Variants in PTPN13 observed in about 807,000 individuals in gnomAD.
PTPN13 encodes tyrosine-protein phosphatase non-receptor type 13.
A neutral mutation model predicts 284.0 loss-of-function variants in PTPN13; 191 were observed. The ratio of observed to expected loss-of-function variants is 0.67; its 90% CI spans 0.60 to 0.76. PTPN13 has a LOEUF of 0.76. PTPN13 is among the 30% of genes least tolerant of loss of function. PTPN13 has a pLI of 0.00. For missense variants in PTPN13, 2,797 were observed against 2,939.9 expected, an observed-to-expected ratio of 0.95 and a Z score of 1.12; for synonymous variants, 986 against 1,022.3, an observed-to-expected ratio of 0.96 and a Z score of 0.68.
intron 3 of PTPN13, among the ~76,000 whole-genome samples, chr4:86,674,476 G>A (rs1728060934): frequency 6.6e-6 from 1 of 152,154 alleles, no homozygotes; most frequent in Non-Finnish European, 1.5e-5. Context: ...GTGTATGAGT[G>A]TGTGTGTGGT....
chr4:86,609,889 C>CATTGGTGTGCAAAGAAGCTAG (rs1347014937), intron 1 of PTPN13, among the ~76,000 whole-genome samples: 1 of 152,120 alleles, frequency 6.6e-6, no homozygotes, highest in African/African-American at 2.4e-5. Context: ...TCTTATAGAG[C>CATTGGTGTGCAAAGAAGCTAG]ATTGGTGTGC....
rs978178374 is a variant in PTPN13 at position 86,686,557 on chromosome 4, C to G, written c.295-153C>G. Among the ~76,000 whole-genome samples, 3 of 152,132 alleles carry G rather than the reference C, an allele frequency of 2.0e-5. 1 individual carries two copies. Among genetic ancestry groups the G allele is most frequent in the Non-Finnish European group, 1.5e-5 (1 of 68,018 alleles). ...TTCCAGTCTTGCTATCTCTTTTAAG[C>G]TCTCATATACTTTTATGGAAAATAT... On this transcript the variant is annotated intron_variant, in intron 3 of 47. Transcript: ENST00000411767.
At chr4:86,617,391 A>C (rs1720678313) in intron 1 of PTPN13, among the ~76,000 whole-genome samples, 1 of 152,126 alleles carries the variant, frequency 6.6e-6, no homozygotes, top group African/African-American at 2.4e-5. Flanking sequence ...GAATTGAAAC[A>C]GTACTTGGAA....
At chr4:86,751,947 A>ATGTG (rs1737438078) in intron 19 of PTPN13, among the ~76,000 whole-genome samples, 1 of 146,660 alleles carries the variant, frequency 6.8e-6, no homozygotes. Context: ...GTGTGTGTGC[A>ATGTG]TGCACATGTG....
At chr4:86,705,179 C>CA (rs1257805814) in intron 7 of PTPN13, among the ~76,000 whole-genome samples, 5 of 151,772 alleles carry the variant, frequency 3.3e-5, no homozygotes, top group South Asian at 2.1e-4. Flanking sequence ...ACTAAAAATA[C>CA]AAAAATTAGC....
In PTPN13 at chr4:86,807,490, T is replaced by C. The variant is rs1009969129; in HGVS notation, c.6746-70T>C. On this transcript the variant is annotated intron_variant, in intron 44 of 47. Coordinates refer to ENST00000411767, the MANE Select transcript of PTPN13 (RefSeq NM_080683.3). Reference sequence around the variant, plus strand: ...AGAATTTCTCATGATCTTTGACTCATGCAATTTGTAAGACTCTTGTTTAAA... The same window carrying C: ...AGAATTTCTCATGATCTTTGACTCACGCAATTTGTAAGACTCTTGTTTAAA... The C allele has an allele frequency of 9.4e-6, 11 of 1,165,326 alleles. No individual in the cohort carries two copies. The East Asian group carries it at 1.4e-4, about 15-fold the overall frequency. 72.2% of individuals were successfully genotyped at this position (1,165,326 alleles called of 1,614,324 possible). A position where few individuals can be genotyped will look rare whatever the true frequency, so the allele number is the denominator to read the frequency against.
chr4:86,785,721 A>G lies in PTPN13; in HGVS notation c.6257-127A>G, dbSNP rs535891236. ...TTGATCATTTCTTCCTAACTTTTCT[A>G]GTTAAAACATTGAAACTATTTATGG... On this transcript the variant is annotated intron_variant, in intron 39 of 47. Coordinates refer to ENST00000411767, the MANE Select transcript of PTPN13 (RefSeq NM_080683.3). 4.9e-5 allele frequency: 25 copies of G among 507,760 alleles called. No homozygotes were observed. The South Asian group carries it at 1.1e-3, about 21-fold the overall frequency. The allele number at this position is 507,760 out of a possible 1,614,324, so 31.5% of individuals were successfully genotyped here. A position where few individuals can be genotyped will look rare whatever the true frequency, so the allele number is the denominator to read the frequency against.
In PTPN13 at chr4:86,738,610, A is replaced by C. The variant is rs191620289; in HGVS notation, c.2304+2864A>C. Reference sequence around the variant, plus strand: ...CATGTTCTTTAAATATTCTGGATACAAGTCTTTTATCAGATATGTGGGTTT... The same window carrying C: ...CATGTTCTTTAAATATTCTGGATACCAGTCTTTTATCAGATATGTGGGTTT... On this transcript the variant is annotated intron_variant, in intron 15 of 47. Transcript: ENST00000411767. 2.0e-5 allele frequency among the ~76,000 whole-genome samples: 3 copies of C among 152,260 alleles called. No individual in the cohort carries two copies. In the East Asian group the frequency reaches 5.8e-4, roughly 29 times the overall value.
intron 3 of PTPN13, among the ~76,000 whole-genome samples, chr4:86,681,122 T>C (rs1394466351): frequency 6.6e-6 from 1 of 152,230 alleles, no homozygotes; most frequent in Non-Finnish European, 1.5e-5. Flanking sequence ...ACATAGTCTG[T>C]GTTCCAAGTC....
intron 1 of PTPN13, among the ~76,000 whole-genome samples, chr4:86,618,741 T>C (rs1282672669): frequency 1.3e-5 from 2 of 152,246 alleles, no homozygotes; most frequent in African/African-American, 4.8e-5. Flanking sequence ...CTGTTATTGA[T>C]GTATAAGAAT....
At chr4:86,759,834 G>C (rs1578596077) in intron 23 of PTPN13, among the ~76,000 whole-genome samples, 1 of 152,042 alleles carries the variant, frequency 6.6e-6, no homozygotes. Context: ...CACATTGCCT[G>C]GTACATATGA....
intron 19 of PTPN13, among the ~76,000 whole-genome samples, chr4:86,751,884 C>T (rs1246916398): frequency 6.6e-6 from 1 of 151,636 alleles, no homozygotes; most frequent in Non-Finnish European, 1.5e-5. Flanking sequence ...TCAAATTCTC[C>T]CAGATAGCAG....
intron 10 of PTPN13, among the ~76,000 whole-genome samples, chr4:86,723,373 G>T (rs1297904366): frequency 3.9e-5 from 6 of 152,150 alleles, no homozygotes; most frequent in Admixed American, 2.0e-4. Context: ...TCTCACAGGA[G>T]CATGAACCCT....
chr4:86,780,869 G>A (rs758310073), intron 36 of PTPN13, among the ~76,000 whole-genome samples: 2 of 152,114 alleles, frequency 1.3e-5, no homozygotes. Flanking sequence ...GAGCATAAGA[G>A]AAATAGTTCA....
At chr4:86,692,459 C>T (rs1422886029) in intron 5 of PTPN13, among the ~76,000 whole-genome samples, 2 of 152,212 alleles carry the variant, frequency 1.3e-5, no homozygotes, top group East Asian at 3.9e-4. Context: ...AATATTAAAA[C>T]ATTTCTGTGG....
At chr4:86,738,962 T>C (rs1355187831) in intron 15 of PTPN13, among the ~76,000 whole-genome samples, 1 of 152,246 alleles carries the variant, frequency 6.6e-6, no homozygotes, top group African/African-American at 2.4e-5. Context: ...ATTACAGGCA[T>C]AAGCCACTGT....
At position 86,689,042 on chromosome 4, in the gene PTPN13, T is replaced by C. The variant is rs1213294798; in HGVS notation, c.398T>C (p.Leu133Pro). The C allele has an allele frequency of 6.3e-7, 1 of 1,582,928 alleles. No homozygotes were observed. Reference sequence around the variant, plus strand: ...GGAGATCATCTCAACAGCATACTGCTTGGAATGTGTGAGGATGTTATTTAC... The same window carrying C: ...GGAGATCATCTCAACAGCATACTGCCTGGAATGTGTGAGGATGTTATTTAC... ...KLGDHLNSILLGMCEDVIYAR... is the reference protein window; with the variant it reads ...KLGDHLNSILPGMCEDVIYAR... The change falls in exon 5 of 48, where the codon CTT becomes CCT. Residue 133 changes from leucine to proline, a missense_variant. Coordinates refer to ENST00000411767, the MANE Select transcript of PTPN13 (RefSeq NM_080683.3).
At chr4:86,731,832 G>C (rs1481448539) in intron 10 of PTPN13, among the ~76,000 whole-genome samples, 1 of 152,050 alleles carries the variant, frequency 6.6e-6, no homozygotes, top group Admixed American at 6.6e-5. Flanking sequence ...TGTAGAAACA[G>C]GGTCTAACTA....
chr4:86,788,232 A>T (rs1051914397), intron 40 of PTPN13, among the ~76,000 whole-genome samples: 1 of 152,180 alleles, frequency 6.6e-6, no homozygotes, highest in African/African-American at 2.4e-5. Flanking sequence ...AAATATGACT[A>T]ATCTCCCCTA....
Sources: allele counts gnomAD v4.1 joint callset (sites outside exome capture counted in the v4.1 genomes callset), GRCh38; gene constraint gnomAD v4.1.1; transcripts MANE v1.5; gene names NCBI Gene and HGNC (gene_info 2026-07-23, HGNC 2026-07-21).